Variants in PTPRD observed in about 807,000 individuals in gnomAD.
The protein encoded by PTPRD is protein tyrosine phosphatase receptor type D.
PTPRD carries 34 observed loss-of-function variants against 214.5 expected under a neutral mutation model. That is an observed-to-expected ratio of 0.16 (90% CI 0.12 to 0.21). PTPRD has a LOEUF of 0.21. Ranked by LOEUF, PTPRD falls within the 10% of genes least tolerant of loss-of-function variation. PTPRD has a pLI of 1.00. For missense variants in PTPRD, 2,545 were observed against 2,398.7 expected, an observed-to-expected ratio of 1.06 and a Z score of -1.27; for synonymous variants, 1,128 against 845.7, an observed-to-expected ratio of 1.33 and a Z score of -5.79.
chr9:10,382,442 C>T (rs754230971), intron 2 of PTPRD, among the ~76,000 whole-genome samples: 14 of 151,806 alleles, frequency 9.2e-5, no homozygotes, highest in African/African-American at 2.9e-4. Flanking sequence ...TTGCCATTAG[C>T]CATTTTTATT....
intron 5 of PTPRD, among the ~76,000 whole-genome samples, chr9:9,804,094 G>A (rs1440088431): frequency 3.3e-5 from 5 of 151,980 alleles, no homozygotes; most frequent in African/African-American, 1.2e-4. Flanking sequence ...ATTATCTGAT[G>A]GCTGTTTTTG....
At chr9:10,480,199 G>A (rs1378488809) in intron 2 of PTPRD, among the ~76,000 whole-genome samples, 2 of 152,024 alleles carry the variant, frequency 1.3e-5, no homozygotes, top group Admixed American at 6.6e-5. Context: ...TCCTATTCTC[G>A]GCCCAACTTG....
At chr9:9,797,469 T>C (rs924310826) in intron 5 of PTPRD, among the ~76,000 whole-genome samples, 1 of 152,006 alleles carries the variant, frequency 6.6e-6, no homozygotes, top group Non-Finnish European at 1.5e-5. Context: ...TCAAAGATAA[T>C]AGATGGACCA....
intron 9 of PTPRD, among the ~76,000 whole-genome samples, chr9:9,314,499 C>A (rs1961376074): frequency 6.6e-6 from 1 of 152,162 alleles, no homozygotes; most frequent in African/African-American, 2.4e-5. Context: ...TTTATGATTT[C>A]ATGGCACATG....
intron 10 of PTPRD, among the ~76,000 whole-genome samples, chr9:9,164,920 G>A (rs1029251924): frequency 6.6e-6 from 1 of 151,794 alleles, no homozygotes; most frequent in African/African-American, 2.4e-5. Flanking sequence ...GGGTGTGGTG[G>A]TGCACACCTG....
chr9:9,260,965 C>T (rs981359850), intron 9 of PTPRD, among the ~76,000 whole-genome samples: 6 of 151,872 alleles, frequency 4.0e-5, no homozygotes, highest in African/African-American at 1.4e-4. Context: ...TATTTTCTCG[C>T]AATCCTCTTT....
chr9:8,914,233 T>A (rs1016351667), intron 11 of PTPRD, among the ~76,000 whole-genome samples: 1 of 152,190 alleles, frequency 6.6e-6, no homozygotes, highest in African/African-American at 2.4e-5. Flanking sequence ...ATTTTAATTA[T>A]TCTTTAATTT....
chr9:9,059,417 A>C (rs897056610), intron 10 of PTPRD, among the ~76,000 whole-genome samples: 3 of 152,212 alleles, frequency 2.0e-5, no homozygotes, highest in African/African-American at 7.2e-5. Context: ...AGGCCAGTTC[A>C]GGTTAAGGAT....
chr9:8,523,593 A>G, intron 18 of PTPRD, 69 bp from the exon 19 acceptor site: 1 of 1,575,316 alleles, frequency 6.3e-7, no homozygotes, highest in Non-Finnish European at 8.7e-7. Context: ...AGGGAAACAC[A>G]GAGAGAGTAA....
chr9:9,687,037 C>A (rs1035221025), intron 7 of PTPRD, among the ~76,000 whole-genome samples: 8 of 151,752 alleles, frequency 5.3e-5, no homozygotes, highest in Non-Finnish European at 1.2e-4. Flanking sequence ...ATTAATTTCT[C>A]TATCCCAGCA....
chr9:9,687,977 T>G (rs1280241451), intron 7 of PTPRD, among the ~76,000 whole-genome samples: 1 of 151,808 alleles, frequency 6.6e-6, no homozygotes, highest in Admixed American at 6.6e-5. Context: ...GTTTTCATAA[T>G]AGTGAGGGAA....
intron 2 of PTPRD, among the ~76,000 whole-genome samples, chr9:10,455,984 T>C (rs1368082085): frequency 2.0e-5 from 3 of 151,854 alleles, no homozygotes; most frequent in African/African-American, 4.8e-5. Context: ...AATTCTCATA[T>C]TATATAGCTG....
At chr9:9,223,022 G>T (rs1365041045) in intron 9 of PTPRD, among the ~76,000 whole-genome samples, 4 of 151,840 alleles carry the variant, frequency 2.6e-5, no homozygotes, top group African/African-American at 9.7e-5. Flanking sequence ...CTATATTTTT[G>T]GTTTGTGTGT....
At chr9:10,346,006 A>G (rs1000990827) in intron 2 of PTPRD, among the ~76,000 whole-genome samples, 161 of 152,196 alleles carry the variant, frequency 1.1e-3, no homozygotes, top group African/African-American at 3.7e-3. Context: ...CAGTCCTCTA[A>G]TAACCAATAT....
chr9:10,201,179 C>G (rs1396723568), intron 3 of PTPRD, among the ~76,000 whole-genome samples: 2 of 151,908 alleles, frequency 1.3e-5, no homozygotes, highest in African/African-American at 4.8e-5. Flanking sequence ...TCCAATGCTT[C>G]TGTGAAGGAA....
intron 5 of PTPRD, among the ~76,000 whole-genome samples, chr9:9,805,279 C>A (rs1039679907): frequency 2.0e-5 from 3 of 151,900 alleles, no homozygotes; most frequent in East Asian, 1.9e-4. Context: ...TGCCTAGTGC[C>A]CTTTGTTTGG....
chr9:10,175,625 G>A (rs567529809), intron 3 of PTPRD, among the ~76,000 whole-genome samples: 2 of 151,948 alleles, frequency 1.3e-5, no homozygotes, highest in Admixed American at 6.6e-5. Flanking sequence ...GCAAACTAAT[G>A]TTACCCTGTG....
intron 11 of PTPRD, among the ~76,000 whole-genome samples, chr9:8,779,822 T>G (rs1228510015): frequency 1.8e-4 from 27 of 151,706 alleles, no homozygotes. Context: ...TGGTTTTTTT[T>G]TTTTTTTTTT....
chr9:8,762,260 CA>C (rs1173454756), intron 11 of PTPRD, among the ~76,000 whole-genome samples: 1 of 152,084 alleles, frequency 6.6e-6, no homozygotes, highest in Non-Finnish European at 1.5e-5. Flanking sequence ...GTTTGAACAT[CA>C]AAACGAGATT....
Sources: allele counts gnomAD v4.1 joint callset (sites outside exome capture counted in the v4.1 genomes callset), GRCh38; gene constraint gnomAD v4.1.1; transcripts MANE v1.5; gene names NCBI Gene and HGNC (gene_info 2026-07-23, HGNC 2026-07-21).